Variants in AFF3 observed in about 807,000 individuals in gnomAD.
AFF3 encodes AF4/FMR2 family member 3.
A neutral mutation model predicts 129.7 loss-of-function variants in AFF3; 32 were observed. The observed-to-expected ratio is 0.25, with a 90% CI of 0.19 to 0.33. AFF3 has a LOEUF of 0.33. Among genes scored for constraint, AFF3 ranks in the 10% least tolerant of loss-of-function variants. The probability of loss-of-function intolerance (pLI) is 1.00; values close to 1 mark genes in which losing one functional copy is unlikely to be tolerated. For missense variants in AFF3, 1,373 were observed against 1,592.0 expected (o/e 0.86, Z 2.34); for synonymous variants, 644 against 635.4 (o/e 1.01, Z -0.20).
chr2:99,792,329 C>G (rs968748354), intron 8 of AFF3, among the ~76,000 whole-genome samples: 1 of 151,968 alleles, frequency 6.6e-6, no homozygotes, highest in Non-Finnish European at 1.5e-5. Flanking sequence ...ATTAGCTGGG[C>G]GCACTAGCAG....
intron 8 of AFF3, among the ~76,000 whole-genome samples, chr2:99,823,927 C>T (rs1042927538): frequency 4.8e-4 from 73 of 152,100 alleles, no homozygotes; most frequent in African/African-American, 1.6e-3. Flanking sequence ...AGGATGGGAG[C>T]GATAGACACC....
intron 8 of AFF3, among the ~76,000 whole-genome samples, chr2:99,785,722 T>C (rs1377566005): frequency 6.6e-6 from 1 of 152,196 alleles, no homozygotes; most frequent in African/African-American, 2.4e-5. Flanking sequence ...TTCTGAGAGT[T>C]TGAATCAGCA....
intron 13 of AFF3, among the ~76,000 whole-genome samples, chr2:99,641,751 C>T (rs1684212131): frequency 6.6e-6 from 1 of 152,150 alleles, no homozygotes; most frequent in African/African-American, 2.4e-5. Context: ...AAGGCCCTCA[C>T]ATTGCATTCT....
chr2:100,068,790 T>TA (rs1200874778), intron 4 of AFF3, among the ~76,000 whole-genome samples: 1 of 152,096 alleles, frequency 6.6e-6, no homozygotes, highest in Non-Finnish European at 1.5e-5. Flanking sequence ...ATGGACAAGA[T>TA]AAACGCTAGG....
In AFF3 at chr2:99,593,205, C is replaced by T. The variant is rs1331452706; in HGVS notation, c.2456G>A (p.Arg819Lys). 1 of 1,583,352 alleles carries T rather than the reference C, an allele frequency of 6.3e-7. No individual in the cohort carries two copies. Among genetic ancestry groups the T allele is most frequent in the Admixed American group, 1.7e-5 (1 of 57,414 alleles). Residue 819 changes from arginine to lysine, a missense_variant, in exon 15 of 25, where the codon AGG becomes AAG. Physicochemically the swap from Arg to Lys is conservative, Grantham distance 26 (BLOSUM62 2). Transcript: ENST00000672756. ...CAGCCCCAGGCCTACCTTGCGTTTC[C>T]TCTTGGATTTTGGCAAAGCCTTTTC... ...PAEKALPKSK[R>K]KRKCDNEDDY...
At chr2:99,649,780 C>A in intron 12 of AFF3, 114 bp from the exon 13 acceptor site, 3 of 1,139,392 alleles carry the variant, frequency 2.6e-6, no homozygotes, top group Non-Finnish European at 1.3e-6. Flanking sequence ...GCCATGTGGC[C>A]AAATTTTAAA....
chr2:99,868,380 T>C (rs1171592709), intron 7 of AFF3, among the ~76,000 whole-genome samples: 1 of 152,148 alleles, frequency 6.6e-6, no homozygotes, highest in Non-Finnish European at 1.5e-5. Context: ...CAACATTAGC[T>C]GCAACCTACT....
intron 7 of AFF3, among the ~76,000 whole-genome samples, chr2:99,934,779 G>A (rs1012450858): frequency 2.0e-5 from 3 of 152,144 alleles, no homozygotes; most frequent in Non-Finnish European, 2.9e-5. Flanking sequence ...AGAAGAATGG[G>A]TGCACACGGC....
intron 13 of AFF3, among the ~76,000 whole-genome samples, chr2:99,634,432 G>T (rs1683424575): frequency 6.6e-6 from 1 of 152,202 alleles, no homozygotes. Flanking sequence ...AATCTGCATG[G>T]TCTCCACAGC....
At chr2:99,974,465 C>G (rs559825209) in intron 7 of AFF3, among the ~76,000 whole-genome samples, 6 of 152,342 alleles carry the variant, frequency 3.9e-5, no homozygotes, top group Admixed American at 6.5e-5. Context: ...TGTATCCAAA[C>G]ACTCGCAGAC....
intron 4 of AFF3, among the ~76,000 whole-genome samples, chr2:100,027,850 C>A (rs1478424707): frequency 6.6e-6 from 1 of 151,988 alleles, no homozygotes; most frequent in East Asian, 1.9e-4. Flanking sequence ...AATGTAACAC[C>A]ATTTCTTAAT....
rs1687262711 is a variant in AFF3 at position 99,672,607 on chromosome 2, G to C, written c.1092-18C>G. On this transcript the variant is annotated intron_variant, in intron 11 of 24. Transcript: ENST00000672756. Reference sequence around the variant, plus strand: ...CCAGCATTCTGAAAGAAGGAACAAAGAGGTACAAAGAGGTACAGATAGTTA... The same window carrying C: ...CCAGCATTCTGAAAGAAGGAACAAACAGGTACAAAGAGGTACAGATAGTTA... 1.2e-6 allele frequency: 2 copies of C among 1,609,482 alleles called. No individual in the cohort carries two copies. Among genetic ancestry groups the C allele is most frequent in the Admixed American group, 1.7e-5 (1 of 60,018 alleles).
In AFF3 at chr2:99,595,315, A is replaced by G. The variant is rs577283025; in HGVS notation, c.1372-1026T>C. Among the ~76,000 whole-genome samples, 34 of 152,344 alleles carry G rather than the reference A, an allele frequency of 2.2e-4. No individual in the cohort carries two copies. The South Asian group carries it at 6.4e-3, about 29-fold the overall frequency. Reference sequence around the variant, plus strand: ...TAGAATTTTAGCCAGAGTATTTTCAATTTGTGACTCTAAGTGAAATGGGGA... The same window carrying G: ...TAGAATTTTAGCCAGAGTATTTTCAGTTTGTGACTCTAAGTGAAATGGGGA... On this transcript the variant is annotated intron_variant, in intron 14 of 24. Transcript: ENST00000672756.
intron 7 of AFF3, among the ~76,000 whole-genome samples, chr2:99,858,571 A>C (rs1279886619): frequency 2.0e-5 from 3 of 152,120 alleles, no homozygotes; most frequent in Non-Finnish European, 4.4e-5. Flanking sequence ...ATGCAGCCAC[A>C]AAAAAGAACG....
chr2:99,850,280 G>A (rs771822738), intron 7 of AFF3, among the ~76,000 whole-genome samples: 5 of 152,148 alleles, frequency 3.3e-5, no homozygotes, highest in African/African-American at 7.2e-5. Flanking sequence ...TGTGTTTAAT[G>A]TTTACCTTTG....
intron 7 of AFF3, among the ~76,000 whole-genome samples, chr2:99,980,337 T>C (rs761035659): frequency 6.6e-6 from 1 of 152,224 alleles, no homozygotes; most frequent in African/African-American, 2.4e-5. Flanking sequence ...CATGTTTTCT[T>C]TCCTCTAAGT....
At chr2:99,989,246 A>G (rs1485063849) in intron 7 of AFF3, among the ~76,000 whole-genome samples, 1 of 152,258 alleles carries the variant, frequency 6.6e-6, no homozygotes, top group African/African-American at 2.4e-5. Flanking sequence ...TCAGCTTACA[A>G]GGAAGGTCAG....
At chr2:99,827,714 C>T (rs1688199921) in intron 8 of AFF3, among the ~76,000 whole-genome samples, 2 of 151,688 alleles carry the variant, frequency 1.3e-5, no homozygotes, top group African/African-American at 2.4e-5. Flanking sequence ...CACACACATA[C>T]GATGGAAAGA....
chr2:99,624,993 C>T (rs371304489), intron 13 of AFF3, among the ~76,000 whole-genome samples: 7 of 152,256 alleles, frequency 4.6e-5, no homozygotes, highest in South Asian at 2.1e-4. Flanking sequence ...TACAGTCTCT[C>T]GTGGAAAATC....
Sources: allele counts gnomAD v4.1 joint callset (sites outside exome capture counted in the v4.1 genomes callset), GRCh38; gene constraint gnomAD v4.1.1; transcripts MANE v1.5; gene names NCBI Gene and HGNC (gene_info 2026-07-23, HGNC 2026-07-21).